Variants in FSHR observed in about 807,000 individuals in gnomAD.
FSHR encodes the protein follicle stimulating hormone receptor.
A neutral mutation model predicts 52.1 loss-of-function variants in FSHR; 46 were observed. The observed-to-expected ratio is 0.88, with a 90% CI of 0.70 to 1.13. The LOEUF is 1.13. Ranked by LOEUF, FSHR falls within the 50% of genes most tolerant of loss-of-function variation. The pLI is 0.00. For synonymous variants in FSHR, 399 were observed against 309.6 expected, an observed-to-expected ratio of 1.29 and a Z score of -3.03; for missense variants, 964 against 834.6, an observed-to-expected ratio of 1.16 and a Z score of -1.91.
intron 2 of FSHR, among the ~76,000 whole-genome samples, chr2:49,035,330 G>A (rs188338093): frequency 3.3e-5 from 5 of 152,252 alleles, no homozygotes; most frequent in Admixed American, 6.5e-5. Context: ...TTTCATTTTC[G>A]AAGGGTCTCT....
intron 2 of FSHR, among the ~76,000 whole-genome samples, chr2:49,044,198 T>A (rs1471110284): frequency 6.6e-6 from 1 of 152,202 alleles, no homozygotes; most frequent in East Asian, 1.9e-4. Context: ...CTAGTAAGAA[T>A]GAATATGAGA....
chr2:48,966,161 C>T (rs1189463671), intron 9 of FSHR, among the ~76,000 whole-genome samples: 1 of 152,126 alleles, frequency 6.6e-6, no homozygotes, highest in Non-Finnish European at 1.5e-5. Context: ...AATAAAGATA[C>T]AGAGTATTAC....
intron 2 of FSHR, among the ~76,000 whole-genome samples, chr2:49,049,489 C>T (rs1227912129): frequency 6.6e-6 from 1 of 151,994 alleles, no homozygotes; most frequent in Admixed American, 6.6e-5. Context: ...ACCATGAATG[C>T]TTGGAGTATC....
intron 1 of FSHR, among the ~76,000 whole-genome samples, chr2:49,098,235 A>C (rs1290424341): frequency 6.6e-6 from 1 of 152,198 alleles, no homozygotes; most frequent in Non-Finnish European, 1.5e-5. Context: ...AATACAAAGA[A>C]AAACAAGCTG....
chr2:49,140,519 A>G (rs1041822279), intron 1 of FSHR, among the ~76,000 whole-genome samples: 2 of 152,192 alleles, frequency 1.3e-5, no homozygotes, highest in Middle Eastern at 3.4e-3. Flanking sequence ...ATTTATTTAT[A>G]GTACTGCAAG....
chr2:49,080,839 C>A (rs1263135874), intron 1 of FSHR, among the ~76,000 whole-genome samples: 1 of 152,142 alleles, frequency 6.6e-6, no homozygotes, highest in Non-Finnish European at 1.5e-5. Flanking sequence ...AGTCCATACT[C>A]CCAGCCATCT....
chr2:48,964,121 T>G (rs746605299), intron 9 of FSHR, among the ~76,000 whole-genome samples, 155 bp from the exon 10 acceptor site: 3 of 151,592 alleles, frequency 2.0e-5, no homozygotes, highest in Non-Finnish European at 4.4e-5. Flanking sequence ...ACCTCAAGGG[T>G]TAATGCTGCT....
chr2:48,968,124 C>G (rs112855160), intron 9 of FSHR, among the ~76,000 whole-genome samples: 1 of 152,116 alleles, frequency 6.6e-6, no homozygotes, highest in Non-Finnish European at 1.5e-5. Context: ...TTTAGATGGC[C>G]CTCTTTAAGT....
intron 2 of FSHR, among the ~76,000 whole-genome samples, chr2:49,055,555 A>AAAAAAAAAAAAAAAAAAAG (rs1669028499): frequency 8.7e-6 from 1 of 114,706 alleles, no homozygotes; most frequent in African/African-American, 2.9e-5. Context: ...AAAAAAAAAA[A>AAAAAAAAAAAAAAAAAAAG]AAAAAAAACC....
At chr2:49,093,253 C>G (rs1317856391) in intron 1 of FSHR, among the ~76,000 whole-genome samples, 1 of 152,160 alleles carries the variant, frequency 6.6e-6, no homozygotes, top group Non-Finnish European at 1.5e-5. Context: ...TCCTTACTGA[C>G]TTTGTCTACT....
chr2:49,132,643 A>C (rs567072732), intron 1 of FSHR, among the ~76,000 whole-genome samples: 17 of 152,258 alleles, frequency 1.1e-4, no homozygotes, highest in Non-Finnish European at 2.5e-4. Context: ...TCATTGCAAT[A>C]ACATTTATTT....
chr2:49,152,593 A>G (rs1673102858), intron 1 of FSHR, among the ~76,000 whole-genome samples: 1 of 152,008 alleles, frequency 6.6e-6, no homozygotes, highest in Non-Finnish European at 1.5e-5. Context: ...TCTTCTGATA[A>G]GGAGATTTCA....
At chr2:49,112,978 G>T (rs1340263081) in intron 1 of FSHR, among the ~76,000 whole-genome samples, 1 of 152,084 alleles carries the variant, frequency 6.6e-6, no homozygotes, top group African/African-American at 2.4e-5. Context: ...CATGAATGTG[G>T]AAGGGAAAAG....
intron 1 of FSHR, among the ~76,000 whole-genome samples, chr2:49,140,158 C>T (rs553362225): frequency 6.6e-6 from 1 of 152,096 alleles, no homozygotes; most frequent in South Asian, 2.1e-4. Flanking sequence ...AAATATAATC[C>T]CCAATTTTGG....
chr2:49,068,997 C>T (rs1461006172), intron 1 of FSHR, among the ~76,000 whole-genome samples: 2 of 152,058 alleles, frequency 1.3e-5, no homozygotes, highest in African/African-American at 2.4e-5. Context: ...CTCATCTCAT[C>T]TAAAAAAAGT....
chr2:49,045,521 C>T (rs1389396047), intron 2 of FSHR, among the ~76,000 whole-genome samples: 1 of 152,150 alleles, frequency 6.6e-6, no homozygotes, highest in Non-Finnish European at 1.5e-5. Context: ...CTACATGTCA[C>T]TAGAATGTTA....
intron 1 of FSHR, among the ~76,000 whole-genome samples, chr2:49,099,954 T>A (rs543886645): frequency 2.0e-5 from 3 of 152,288 alleles, no homozygotes; most frequent in South Asian, 4.1e-4. Flanking sequence ...TAATGAGCAG[T>A]TGGCTGTATA....
intron 2 of FSHR, among the ~76,000 whole-genome samples, chr2:49,031,818 A>G (rs1426698273): frequency 2.0e-5 from 3 of 152,350 alleles, no homozygotes; most frequent in East Asian, 3.9e-4. Flanking sequence ...TTACTTCTAT[A>G]AAACTTTGTG....
At chr2:49,127,900 T>TTTA (rs1672121364) in intron 1 of FSHR, among the ~76,000 whole-genome samples, 1 of 113,466 alleles carries the variant, frequency 8.8e-6, no homozygotes, top group Non-Finnish European at 1.7e-5. Flanking sequence ...TTCTTCTTCT[T>TTTA]TTTTTTTTTT....
Sources: allele counts gnomAD v4.1 joint callset (sites outside exome capture counted in the v4.1 genomes callset), GRCh38; gene constraint gnomAD v4.1.1; transcripts MANE v1.5; gene names NCBI Gene and HGNC (gene_info 2026-07-23, HGNC 2026-07-21).